Variants in SGCZ observed in about 807,000 individuals in gnomAD.
The protein encoded by SGCZ is zeta-sarcoglycan.
Under a neutral mutation model 41.3 loss-of-function variants are expected in SGCZ, and 40 were observed. The ratio of observed to expected loss-of-function variants is 0.97; its 90% confidence interval spans 0.75 to 1.26. The LOEUF (loss-of-function observed/expected upper bound fraction) is 1.26, where lower values mean the gene tolerates loss of function less well. Ranked by LOEUF, SGCZ falls within the 50% of genes most tolerant of loss-of-function variation. The probability of loss-of-function intolerance (pLI) is 0.00; values close to 1 mark genes in which losing one functional copy is unlikely to be tolerated. For missense variants in SGCZ, 552 were observed against 369.8 expected (o/e 1.49, Z -4.04); for synonymous variants, 206 against 137.5 (o/e 1.50, Z -3.49).
At chr8:14,103,951 A>G (rs1234165953) in intron 6 of SGCZ, among the ~76,000 whole-genome samples, 1 of 152,106 alleles carries the variant, frequency 6.6e-6, no homozygotes, top group Non-Finnish European at 1.5e-5. Context: ...CTGATACACA[A>G]CCCTTCTAGA....
intron 3 of SGCZ, among the ~76,000 whole-genome samples, chr8:14,302,858 C>G (rs567503026): frequency 6.7e-4 from 102 of 152,266 alleles, no homozygotes; most frequent in African/African-American, 2.3e-3. Flanking sequence ...CTTAAATGCT[C>G]AAAAGAGGGC....
At chr8:14,147,415 A>C (rs964353601) in intron 5 of SGCZ, among the ~76,000 whole-genome samples, 83 of 152,282 alleles carry the variant, frequency 5.5e-4, no homozygotes, top group African/African-American at 1.9e-3. Flanking sequence ...AGGAGTTGCT[A>C]TACTCATATC....
intron 2 of SGCZ, among the ~76,000 whole-genome samples, chr8:14,430,795 C>A (rs760728274): frequency 2.6e-5 from 4 of 151,930 alleles, no homozygotes; most frequent in Non-Finnish European, 5.9e-5. Context: ...TCTAGAAAAC[C>A]CCAAAGACTC....
chr8:14,382,751 GAA>G (rs1326985174), intron 2 of SGCZ, among the ~76,000 whole-genome samples: 2 of 152,188 alleles, frequency 1.3e-5, no homozygotes, highest in Non-Finnish European at 2.9e-5. Context: ...TGATTTTAAT[GAA>G]AGAGTTTTGT....
chr8:14,422,292 T>G (rs755607431), intron 2 of SGCZ, among the ~76,000 whole-genome samples: 1 of 152,206 alleles, frequency 6.6e-6, no homozygotes, highest in Non-Finnish European at 1.5e-5. Context: ...TCTGGATCTT[T>G]GTTTGAAAAG....
chr8:14,634,082 T>C (rs1241308432), intron 1 of SGCZ, among the ~76,000 whole-genome samples: 2 of 152,012 alleles, frequency 1.3e-5, no homozygotes, highest in East Asian at 1.9e-4. Flanking sequence ...ACATTTTATA[T>C]AATTTTCAGT....
intron 1 of SGCZ, among the ~76,000 whole-genome samples, chr8:14,585,740 T>A (rs1369429706): frequency 6.6e-6 from 1 of 152,154 alleles, no homozygotes; most frequent in Non-Finnish European, 1.5e-5. Context: ...CATTTAATAC[T>A]CAACGATTAA....
chr8:14,109,252 T>C (rs1414444343), intron 5 of SGCZ, among the ~76,000 whole-genome samples: 1 of 152,216 alleles, frequency 6.6e-6, no homozygotes, highest in African/African-American at 2.4e-5. Flanking sequence ...GGTTGAAGGA[T>C]ACTCTATCTC....
chr8:14,448,439 A>C (rs1800497449), intron 2 of SGCZ, among the ~76,000 whole-genome samples: 1 of 152,206 alleles, frequency 6.6e-6, no homozygotes, highest in Non-Finnish European at 1.5e-5. Flanking sequence ...ACTGCACAGA[A>C]TCCTGGACTA....
intron 3 of SGCZ, among the ~76,000 whole-genome samples, chr8:14,253,443 G>A (rs1379286037): frequency 1.3e-5 from 2 of 152,048 alleles, no homozygotes; most frequent in East Asian, 3.9e-4. Context: ...ACATTTCCTT[G>A]AAAGACTAGT....
chr8:14,326,622 T>C (rs12544242), intron 2 of SGCZ, among the ~76,000 whole-genome samples: 30,517 of 151,960 alleles, frequency 0.2, 3,774 homozygotes, highest in Non-Finnish European at 0.29. Flanking sequence ...ATGTCAAAAC[T>C]GATGCTGGAA....
intron 1 of SGCZ, among the ~76,000 whole-genome samples, chr8:14,832,690 G>T (rs918069204): frequency 4.6e-5 from 7 of 152,068 alleles, no homozygotes; most frequent in African/African-American, 1.7e-4. Context: ...AGAGTATATG[G>T]GTGTGTTGAC....
chr8:15,194,902 A>G (rs1800672193), intron 1 of SGCZ, among the ~76,000 whole-genome samples: 2 of 152,228 alleles, frequency 1.3e-5, no homozygotes, highest in Admixed American at 1.3e-4. Context: ...ATAGTTTCCT[A>G]TTGCTGCTGA....
rs377010662 is a variant in SGCZ at position 14,421,367 on chromosome 8, C to T, written c.235-97163G>A. ...TTTCAAAAATTTTACTAGAAGTCCCCATGTCAGAAGAATCACTGTTTTTGT... is the reference window on the plus strand; with the variant it reads ...TTTCAAAAATTTTACTAGAAGTCCCTATGTCAGAAGAATCACTGTTTTTGT... On this transcript the variant is annotated intron_variant, in intron 2 of 7. Transcript: ENST00000382080. Among the ~76,000 whole-genome samples the T allele has an allele frequency of 5.3e-5, 8 of 152,100 alleles. No homozygotes were observed. The South Asian group carries it at 1.2e-3, about 24-fold the overall frequency.
chr8:15,057,157 G>C (rs570905465), intron 1 of SGCZ, among the ~76,000 whole-genome samples: 2 of 152,306 alleles, frequency 1.3e-5, no homozygotes, highest in East Asian at 1.9e-4. Flanking sequence ...TTCAGGGGAA[G>C]AACATATGGG....
chr8:14,927,613 G>A (rs999275044), intron 1 of SGCZ, among the ~76,000 whole-genome samples: 4 of 151,916 alleles, frequency 2.6e-5, no homozygotes, highest in Non-Finnish European at 5.9e-5. Flanking sequence ...GGAGGAAGGA[G>A]GCAGAGAGGT....
chr8:14,091,350 C>A (rs907163608), intron 7 of SGCZ, among the ~76,000 whole-genome samples: 4 of 151,774 alleles, frequency 2.6e-5, no homozygotes, highest in Non-Finnish European at 4.4e-5. Flanking sequence ...GGGTATATAC[C>A]CACAAATGGG....
At chr8:14,323,630 G>C (rs747936752) in intron 3 of SGCZ, among the ~76,000 whole-genome samples, 1 of 151,956 alleles carries the variant, frequency 6.6e-6, no homozygotes, top group Non-Finnish European at 1.5e-5. Context: ...AAATATTCTC[G>C]CTTGTTTTAC....
At chr8:14,363,927 T>C (rs1160742374) in intron 2 of SGCZ, among the ~76,000 whole-genome samples, 1 of 152,186 alleles carries the variant, frequency 6.6e-6, no homozygotes, top group Non-Finnish European at 1.5e-5. Context: ...TTTCCTCCTT[T>C]GCCTTTTATT....
Sources: gnomAD v4.1 joint callset for allele counts (sites outside exome capture counted in the v4.1 genomes callset) on GRCh38, gnomAD v4.1.1 for gene constraint, MANE v1.5 for transcripts, NCBI Gene and HGNC (gene_info 2026-07-23, HGNC 2026-07-21) for gene names.